Variants in ADAMTSL1 observed in about 807,000 individuals in gnomAD.
The protein encoded by ADAMTSL1 is ADAMTS like 1.
Under a neutral mutation model 201.8 loss-of-function variants are expected in ADAMTSL1, and 126 were observed. That is an observed-to-expected ratio of 0.62 (90% confidence interval 0.54 to 0.72). The LOEUF is 0.72. Among genes scored for constraint, ADAMTSL1 ranks in the 30% least tolerant of loss-of-function variants. ADAMTSL1 has a pLI of 0.00. For missense variants in ADAMTSL1, 2,679 were observed against 2,277.8 expected, an observed-to-expected ratio of 1.18 and a Z score of -3.59; for synonymous variants, 1,121 against 903.4, an observed-to-expected ratio of 1.24 and a Z score of -4.32.
At chr9:18,253,080 C>A (rs1170485120) in intron 2 of ADAMTSL1, among the ~76,000 whole-genome samples, 1 of 152,142 alleles carries the variant, frequency 6.6e-6, no homozygotes, top group Non-Finnish European at 1.5e-5. Flanking sequence ...TTATGTCTGT[C>A]CATTTGGAGA....
At chr9:18,692,716 G>C (rs1564155729) in intron 13 of ADAMTSL1, among the ~76,000 whole-genome samples, 1 of 152,178 alleles carries the variant, frequency 6.6e-6, no homozygotes, top group Admixed American at 6.5e-5. Flanking sequence ...GAAAAGTATT[G>C]AGTTTCCAAT....
intron 2 of ADAMTSL1, among the ~76,000 whole-genome samples, chr9:18,237,836 C>T (rs541851064): frequency 1.4e-4 from 22 of 152,330 alleles, no homozygotes; most frequent in African/African-American, 4.3e-4. Flanking sequence ...GTATTTGATG[C>T]ATCCTGTGGT....
intron 2 of ADAMTSL1, among the ~76,000 whole-genome samples, chr9:18,366,556 G>A (rs535374708): frequency 6.7e-6 from 1 of 149,576 alleles, no homozygotes; most frequent in African/African-American, 2.5e-5. Flanking sequence ...ATTCATTGTG[G>A]TATGTTAATA....
intron 2 of ADAMTSL1, among the ~76,000 whole-genome samples, chr9:18,241,268 C>T (rs1449577281): frequency 6.6e-6 from 1 of 152,120 alleles, no homozygotes; most frequent in African/African-American, 2.4e-5. Flanking sequence ...CACTTAGAAG[C>T]CATTATAGGG....
chr9:18,503,954 G>A (rs1240380886), intron 1 of ADAMTSL1, among the ~76,000 whole-genome samples: 4 of 150,584 alleles, frequency 2.7e-5, no homozygotes, highest in Admixed American at 1.3e-4. Context: ...TCATTTTGCT[G>A]ATCTTCCTAT....
At chr9:18,191,217 G>C (rs1042130295) in intron 2 of ADAMTSL1, among the ~76,000 whole-genome samples, 5 of 152,102 alleles carry the variant, frequency 3.3e-5, no homozygotes, top group Admixed American at 3.3e-4. Flanking sequence ...AGGGGTCAGG[G>C]AAAGAAGAAA....
intron 2 of ADAMTSL1, among the ~76,000 whole-genome samples, chr9:18,192,122 T>G (rs1189828683): frequency 6.6e-6 from 1 of 152,180 alleles, no homozygotes; most frequent in Non-Finnish European, 1.5e-5. Flanking sequence ...CCATTTAACT[T>G]TTCTAATAGG....
At chr9:18,107,853 C>A (rs911802751) in intron 1 of ADAMTSL1, among the ~76,000 whole-genome samples, 7 of 152,070 alleles carry the variant, frequency 4.6e-5, no homozygotes, top group African/African-American at 1.4e-4. Context: ...GTGTTAAATG[C>A]TGAGCCAGAA....
intron 1 of ADAMTSL1, among the ~76,000 whole-genome samples, chr9:17,981,553 GT>G (rs1423025260): frequency 1.3e-5 from 2 of 152,146 alleles, no homozygotes; most frequent in African/African-American, 4.8e-5. Context: ...AATTGTTCGA[GT>G]GAGCCATCTT....
At chr9:18,629,215 T>C (rs1826585663) in intron 5 of ADAMTSL1, among the ~76,000 whole-genome samples, 1 of 151,338 alleles carries the variant, frequency 6.6e-6, no homozygotes, top group South Asian at 2.1e-4. Context: ...TGGTTTTGCC[T>C]CTTTTCAATT....
chr9:17,934,626 T>TTTTCTTTCATCAGACCTGCCGCA (rs1368453092), intron 1 of ADAMTSL1, among the ~76,000 whole-genome samples: 13 of 152,174 alleles, frequency 8.5e-5, no homozygotes, highest in Admixed American at 1.3e-4. Context: ...ATTTTGTAGC[T>TTTTCTTTCATCAGACCTGCCGCA]TTTCTTTCAT....
At chr9:18,382,589 G>A (rs1056636435) in intron 2 of ADAMTSL1, among the ~76,000 whole-genome samples, 34 of 151,990 alleles carry the variant, frequency 2.2e-4, no homozygotes, top group Non-Finnish European at 4.1e-4. Context: ...AGCAAAGAAA[G>A]AAATATCAGT....
At chr9:18,814,577 T>C (rs575956636) in intron 20 of ADAMTSL1, among the ~76,000 whole-genome samples, 7 of 152,326 alleles carry the variant, frequency 4.6e-5, no homozygotes, top group African/African-American at 1.7e-4. Context: ...GATCAAATTC[T>C]TTGTAGGAAC....
At chr9:18,447,919 G>C (rs144241225) in intron 2 of ADAMTSL1, among the ~76,000 whole-genome samples, 6 of 152,192 alleles carry the variant, frequency 3.9e-5, no homozygotes, top group African/African-American at 1.2e-4. Flanking sequence ...TGGGATGTGA[G>C]CAATTTGGTT....
At chr9:18,003,202 C>T (rs1254586299) in intron 1 of ADAMTSL1, among the ~76,000 whole-genome samples, 3 of 152,012 alleles carry the variant, frequency 2.0e-5, no homozygotes, top group Non-Finnish European at 4.4e-5. Flanking sequence ...CCCAGTTCCA[C>T]GCTGACTCCA....
intron 5 of ADAMTSL1, among the ~76,000 whole-genome samples, chr9:18,628,563 T>A (rs1826544916): frequency 6.6e-6 from 1 of 152,206 alleles, no homozygotes; most frequent in African/African-American, 2.4e-5. Flanking sequence ...CTATTCTGGG[T>A]CTTTGTCTTT....
intron 1 of ADAMTSL1, among the ~76,000 whole-genome samples, chr9:18,036,052 G>A (rs938647105): frequency 3.0e-4 from 45 of 152,114 alleles, no homozygotes; most frequent in African/African-American, 1.1e-3. Flanking sequence ...TGCTACACAA[G>A]GGATCTCATG....
At chr9:18,545,467 T>A (rs7027894) in intron 3 of ADAMTSL1, among the ~76,000 whole-genome samples, 39,863 of 152,076 alleles carry the variant, frequency 0.26, 5,646 homozygotes, top group East Asian at 0.61. Flanking sequence ...TGCTTTTTTT[T>A]TTAAGAAAAG....
At chr9:18,098,350 A>G (rs567385279) in intron 1 of ADAMTSL1, among the ~76,000 whole-genome samples, 1 of 152,176 alleles carries the variant, frequency 6.6e-6, no homozygotes, top group Non-Finnish European at 1.5e-5. Flanking sequence ...GGAAATTTTA[A>G]CAATTTTGGA....
Sources: allele counts gnomAD v4.1 joint callset (sites outside exome capture counted in the v4.1 genomes callset), GRCh38; gene constraint gnomAD v4.1.1; transcripts MANE v1.5; gene names NCBI Gene and HGNC (gene_info 2026-07-23, HGNC 2026-07-21).